The following GRXCR1 variants were observed in gnomAD, a reference collection of about 807,000 sequenced individuals.
GRXCR1 encodes the protein glutaredoxin domain-containing cysteine-rich protein 1.
GRXCR1 carries 27 observed loss-of-function variants against 27.3 expected under a neutral mutation model. The observed-to-expected ratio is 0.99, with a 90% CI of 0.73 to 1.37. The LOEUF (loss-of-function observed/expected upper bound fraction) is 1.37, where lower values mean the gene tolerates loss of function less well. GRXCR1 is among the 40% of genes most tolerant of loss of function. The pLI is 0.00. For missense variants in GRXCR1, 379 were observed against 354.4 expected (o/e 1.07, Z -0.56); for synonymous variants, 122 against 131.1 (o/e 0.93, Z 0.47).
chr4:42,958,917 A>G (rs895305915), intron 1 of GRXCR1, among the ~76,000 whole-genome samples: 1 of 152,000 alleles, frequency 6.6e-6, no homozygotes, highest in African/African-American at 2.4e-5. Context: ...AAAGACAAGA[A>G]ACAGCAAGTG....
chr4:42,980,778 A>G (rs1040143642), intron 2 of GRXCR1, among the ~76,000 whole-genome samples: 3 of 152,086 alleles, frequency 2.0e-5, no homozygotes, highest in Non-Finnish European at 2.9e-5. Context: ...TCTCCCTTCA[A>G]ATCTATTAAT....
chr4:42,988,805 C>G (rs1361555984), intron 2 of GRXCR1, among the ~76,000 whole-genome samples: 1 of 152,008 alleles, frequency 6.6e-6, no homozygotes, highest in Admixed American at 6.5e-5. Flanking sequence ...ATATGGAATG[C>G]CAGTATGCAA....
intron 2 of GRXCR1, among the ~76,000 whole-genome samples, chr4:43,019,743 T>C (rs1282761781): frequency 2.0e-5 from 3 of 152,172 alleles, no homozygotes; most frequent in Non-Finnish European, 4.4e-5. Context: ...GTTTAAATTT[T>C]CTCTCTGTGT....
intron 2 of GRXCR1, among the ~76,000 whole-genome samples, chr4:43,014,311 T>C (rs1712863291): frequency 6.6e-6 from 1 of 152,088 alleles, no homozygotes. Context: ...TGAAATAAAT[T>C]CTTTTTTGGT....
chr4:42,932,649 GA>G (rs1747355425), intron 1 of GRXCR1, among the ~76,000 whole-genome samples: 2 of 138,536 alleles, frequency 1.4e-5, no homozygotes, highest in Non-Finnish European at 3.1e-5. Context: ...GAGAGAGAGA[GA>G]GAGAGAGAGA....
chr4:42,907,885 T>A (rs1280176821), intron 1 of GRXCR1, among the ~76,000 whole-genome samples: 1 of 152,142 alleles, frequency 6.6e-6, no homozygotes, highest in Non-Finnish European at 1.5e-5. Flanking sequence ...ATCACAATCC[T>A]CCATGTGAGT....
At chr4:43,021,817 G>A (rs1577948840) in intron 3 of GRXCR1, among the ~76,000 whole-genome samples, 1 of 152,068 alleles carries the variant, frequency 6.6e-6, no homozygotes, top group African/African-American at 2.4e-5. Flanking sequence ...GAGTAAATTT[G>A]TTTTTGTAAA....
At chr4:42,940,092 C>T (rs1215087582) in intron 1 of GRXCR1, among the ~76,000 whole-genome samples, 1 of 151,922 alleles carries the variant, frequency 6.6e-6, no homozygotes. Flanking sequence ...TGCTCCTCTG[C>T]CTGCCAGAGC....
At chr4:42,927,936 A>T (rs1747211226) in intron 1 of GRXCR1, among the ~76,000 whole-genome samples, 1 of 151,994 alleles carries the variant, frequency 6.6e-6, no homozygotes, top group Non-Finnish European at 1.5e-5. Context: ...GAAAACCAAT[A>T]AAAGAAAACC....
chr4:42,999,692 A>C (rs1470842109), intron 2 of GRXCR1, among the ~76,000 whole-genome samples: 1 of 152,206 alleles, frequency 6.6e-6, no homozygotes, highest in East Asian at 1.9e-4. Context: ...ATTGCTTGGT[A>C]CAACTATTAG....
At chr4:43,021,324 A>G (rs907790822) in intron 3 of GRXCR1, among the ~76,000 whole-genome samples, 1 of 152,114 alleles carries the variant, frequency 6.6e-6, no homozygotes, top group Non-Finnish European at 1.5e-5. Context: ...CTTCAGTATC[A>G]GTTCTTCCAA....
chr4:42,987,277 TAGAG>T lies in GRXCR1; in HGVS notation c.627+24163_627+24166del, dbSNP rs1181869530. On this transcript the variant is annotated intron_variant, in intron 2 of 3. Coordinates refer to ENST00000399770, the MANE Select transcript of GRXCR1 (RefSeq NM_001080476.3). ...TATATATATAATATATATATATATA[TAGAG>T]AGAGAGAGAGAGAGAGAGAAAGAGA... 2.0e-3 allele frequency among the ~76,000 whole-genome samples: 205 copies of T among 104,244 alleles called. 1 individual carries two copies. The highest frequency in any genetic ancestry group is 4.9e-3 in the African/African-American group (135 of 27,514). 68.4% of individuals were successfully genotyped at this position (104,244 alleles called of 152,430 possible).
chr4:42,916,370 G>A (rs949811174), intron 1 of GRXCR1, among the ~76,000 whole-genome samples: 10 of 151,990 alleles, frequency 6.6e-5, no homozygotes, highest in Admixed American at 6.6e-4. Flanking sequence ...TAAACACCAG[G>A]TAGAACTACA....
intron 2 of GRXCR1, among the ~76,000 whole-genome samples, chr4:43,013,056 T>A (rs1184672172): frequency 6.6e-6 from 1 of 152,196 alleles, no homozygotes; most frequent in Admixed American, 6.5e-5. Flanking sequence ...GAAAAGGGAA[T>A]GCTTGTATTA....
chr4:42,974,605 G>A (rs1418170230), intron 2 of GRXCR1, among the ~76,000 whole-genome samples: 5 of 152,040 alleles, frequency 3.3e-5, no homozygotes, highest in Admixed American at 6.6e-5. Context: ...TTATAGGGCC[G>A]GTTTCAGTCC....
At chr4:43,013,887 C>A (rs1160753) in intron 2 of GRXCR1, among the ~76,000 whole-genome samples, 2,118 of 152,120 alleles carry the variant, frequency 0.014, 50 homozygotes, top group African/African-American at 0.048. Flanking sequence ...TTGCGAACAT[C>A]TAGTTTGATA....
At position 42,963,004 on chromosome 4, in the gene GRXCR1, A is replaced by G. The variant is rs779052034; in HGVS notation, c.497A>G (p.His166Arg). Residue 166 changes from histidine to arginine, a missense_variant, in exon 2 of 4, where the codon CAT becomes CGT. Transcript: ENST00000399770. ...CELVRKIFQN[H>R]RVKFEEKNIA... ...CTGGTTAGAAAGATTTTCCAAAACC[A>G]TCGCGTAAAATTTGAAGAGAAAAAC... 1.9e-5 allele frequency: 31 copies of G among 1,612,816 alleles called. No homozygotes were observed. Among genetic ancestry groups the G allele is most frequent in the Admixed American group, 3.3e-5 (2 of 59,902 alleles).
At chr4:43,008,958 G>T (rs1712649564) in intron 2 of GRXCR1, among the ~76,000 whole-genome samples, 1 of 152,202 alleles carries the variant, frequency 6.6e-6, no homozygotes, top group Non-Finnish European at 1.5e-5. Context: ...CTTTGTCATT[G>T]CGCAACCTTC....
chr4:42,926,076 C>A (rs968164321), intron 1 of GRXCR1, among the ~76,000 whole-genome samples: 1 of 152,136 alleles, frequency 6.6e-6, no homozygotes, highest in East Asian at 1.9e-4. Flanking sequence ...TGAAGATACT[C>A]GACTAATATG....
Sources: gnomAD v4.1 joint callset for allele counts (sites outside exome capture counted in the v4.1 genomes callset) on GRCh38, gnomAD v4.1.1 for gene constraint, MANE v1.5 for transcripts, NCBI Gene and HGNC (gene_info 2026-07-23, HGNC 2026-07-21) for gene names.